Variants in TMEM216 observed in about 807,000 individuals in gnomAD.
The protein encoded by TMEM216 is cerebello-oculo-renal syndrome 2.
A neutral mutation model predicts 17.8 loss-of-function variants in TMEM216; 15 were observed. That is an observed-to-expected ratio of 0.84 (90% confidence interval 0.56 to 1.30). The LOEUF is 1.30. TMEM216 is among the 50% of genes most tolerant of loss of function. The pLI, the probability that TMEM216 is intolerant of heterozygous loss-of-function variation, is 0.00. For missense variants in TMEM216, 160 were observed against 175.7 expected (o/e 0.91, Z 0.51); for synonymous variants, 58 against 73.5 (o/e 0.79, Z 1.08).
chr11:61,393,139 C>T, intron 1 of TMEM216, 92 bp from the exon 2 acceptor site: 1 of 970,554 alleles, frequency 1.0e-6, no homozygotes, highest in Non-Finnish European at 1.5e-6. Flanking sequence ...TTAGTTGCAG[C>T]GTCTAGTTTC....
intron 3 of TMEM216, among the ~76,000 whole-genome samples, chr11:61,396,929 A>T (rs552063608): frequency 6.8e-6 from 1 of 146,932 alleles, no homozygotes; most frequent in South Asian, 2.1e-4. Context: ...ATTAAACACT[A>T]TCAAAAAAAA....
intron 2 of TMEM216, 77 bp from the exon 3 acceptor site, chr11:61,393,807 C>CT: frequency 1.7e-6 from 2 of 1,164,396 alleles, no homozygotes; most frequent in Non-Finnish European, 2.5e-6. Context: ...CTGATGTCCT[C>CT]TTTTTTCCCA....
At chr11:61,396,152 C>G (rs1208706157) in intron 3 of TMEM216, among the ~76,000 whole-genome samples, 1 of 152,184 alleles carries the variant, frequency 6.6e-6, no homozygotes, top group African/African-American at 2.4e-5. Context: ...AAATCAGTTA[C>G]GGCACTGATT....
At position 61,398,267 on chromosome 11, in the gene TMEM216, C is replaced by T. The variant is rs1183287533; in HGVS notation, c.432-3C>T. On this transcript the variant is annotated splice_polypyrimidine_tract_variant and splice_region_variant and intron_variant, in intron 4 of 4. Transcript: ENST00000515837. Reference sequence around the variant, plus strand: ...TTCTTTCTTTCTGCCATCGTATGGACAGGATTTGAAGTACAGAATTTCAGC... The same window carrying T: ...TTCTTTCTTTCTGCCATCGTATGGATAGGATTTGAAGTACAGAATTTCAGC... 3.1e-6 allele frequency: 5 copies of T among 1,611,530 alleles called. No homozygotes were observed. The highest frequency in any genetic ancestry group is 4.2e-6 in the Non-Finnish European group (5 of 1,178,668).
chr11:61,394,585 T>C (rs1858757972), intron 3 of TMEM216, among the ~76,000 whole-genome samples: 1 of 151,822 alleles, frequency 6.6e-6, no homozygotes, highest in Admixed American at 6.6e-5. Flanking sequence ...GCCAGGATGG[T>C]CTCGATCTCT....
chr11:61,398,090 G>GGAA, intron 4 of TMEM216, 115 bp downstream of exon 4: 1 of 1,411,210 alleles, frequency 7.1e-7, no homozygotes, highest in East Asian at 2.3e-5. Context: ...TCTAGAGGGA[G>GGAA]GAAGGGGTGG....
At chr11:61,397,377 C>T (rs148447925) in intron 3 of TMEM216, among the ~76,000 whole-genome samples, 3,705 of 152,140 alleles carry the variant, frequency 0.024, 82 homozygotes, top group South Asian at 0.074. Flanking sequence ...CCGTGTTAGC[C>T]AGGATGGTCT....
At chr11:61,396,861 G>T (rs1374677742) in intron 3 of TMEM216, among the ~76,000 whole-genome samples, 1 of 151,604 alleles carries the variant, frequency 6.6e-6, no homozygotes, top group East Asian at 1.9e-4. Context: ...TTCAGCCCAG[G>T]GGTTCGAGGC....
Position 61,393,319 on chromosome 11 carries a change from A to T in TMEM216, c.123A>T (p.Ile41=), listed in dbSNP as rs900061092. The change falls in exon 2 of 5, where the codon ATA becomes ATT. Residue 41 remains isoleucine (I), a synonymous_variant. Transcript: ENST00000515837. ...NATYFLLELF[I]FLYKGVLLPY... Reference sequence around the variant, plus strand: ...CCTATTTCCTGCTGGAACTTTTCATATTTCTGTATAAAGGTAAGGAAGGCT... The same window carrying T: ...CCTATTTCCTGCTGGAACTTTTCATTTTTCTGTATAAAGGTAAGGAAGGCT... 29 of 1,534,630 alleles carry T rather than the reference A, an allele frequency of 1.9e-5. No homozygotes were observed. The Admixed American group carries it at 2.7e-4, about 15-fold the overall frequency.
At position 61,393,780 on chromosome 11, in the gene TMEM216, T is replaced by G. The variant is rs1192705438; in HGVS notation, c.137-104T>G. The G allele has an allele frequency of 1.0e-5, 8 of 795,796 alleles. No individual in the cohort carries two copies. The African/African-American group carries it at 1.2e-4, about 12-fold the overall frequency. 49.3% of individuals were successfully genotyped at this position (795,796 alleles called of 1,614,324 possible). ...ATAATGCCCACATCTCACTAACTAG[T>G]TCATGGAAAGCTGAGACTGATGTCC... On this transcript the variant is annotated intron_variant, in intron 2 of 4. Coordinates refer to ENST00000515837, the MANE Select transcript of TMEM216 (RefSeq NM_001173990.3).
chr11:61,398,224 C>T lies in TMEM216; in HGVS notation c.432-46C>T, dbSNP rs1590645804. On this transcript the variant is annotated intron_variant, in intron 4 of 4. Transcript: ENST00000515837. ...ACAGTCGAGGCCAGCTGCTCTCATT[C>T]ACTGGTCTTTTAACATTTTCTTTCT... The T allele has an allele frequency of 2.5e-6, 4 of 1,600,724 alleles. No individual in the cohort carries two copies. The East Asian group carries it at 9.0e-5, about 36-fold the overall frequency.
At chr11:61,393,590 C>T (rs185698365) in intron 2 of TMEM216, among the ~76,000 whole-genome samples, 3 of 152,326 alleles carry the variant, frequency 2.0e-5, no homozygotes, top group Non-Finnish European at 4.4e-5. Flanking sequence ...CTGAGCTCCA[C>T]TGTAAGCCCA....
intron 3 of TMEM216, among the ~76,000 whole-genome samples, chr11:61,395,564 C>T (rs961740554): frequency 6.6e-6 from 1 of 151,702 alleles, no homozygotes; most frequent in African/African-American, 2.4e-5. Context: ...ACATGGTGGC[C>T]GTCTCTACTA....
At chr11:61,392,703 CCCTTCG>C in intron 1 of TMEM216, 38 bp downstream of exon 1, 1 of 1,533,360 alleles carries the variant, frequency 6.5e-7, no homozygotes, top group Non-Finnish European at 8.7e-7. Flanking sequence ...TGGTCCCTTT[CCCTTCG>C]GTCGCTCCCT....
intron 3 of TMEM216, 127 bp downstream of exon 3, chr11:61,394,103 G>A (rs1024367301): frequency 3.5e-5 from 29 of 818,520 alleles, no homozygotes; most frequent in African/African-American, 2.9e-4. Flanking sequence ...CTATTACTCC[G>A]TCTCTGAAGT....
At chr11:61,398,072 GACTT>G in intron 4 of TMEM216, 97 bp downstream of exon 4, 1 of 1,492,822 alleles carries the variant, frequency 6.7e-7, no homozygotes, top group Non-Finnish European at 9.3e-7. Context: ...GGGTCTAGAA[GACTT>G]TTTTCTAGAG....
At chr11:61,394,014 G>A in intron 3 of TMEM216, 38 bp downstream of exon 3, 1 of 1,571,990 alleles carries the variant, frequency 6.4e-7, no homozygotes, top group Non-Finnish European at 8.8e-7. Context: ...CTCCTTATGA[G>A]ACAAGCTGGT....
At chr11:61,395,305 T>C (rs1196139566) in intron 3 of TMEM216, among the ~76,000 whole-genome samples, 2 of 151,922 alleles carry the variant, frequency 1.3e-5, no homozygotes, top group Non-Finnish European at 2.9e-5. Flanking sequence ...ACCCCAGAAA[T>C]ACAGAGCAAA....
intron 3 of TMEM216, among the ~76,000 whole-genome samples, chr11:61,396,037 T>A (rs754448532): frequency 3.9e-5 from 6 of 152,096 alleles, no homozygotes; most frequent in Non-Finnish European, 5.9e-5. Flanking sequence ...TAAAAAAAAA[T>A]TCCACAGATA....
Sources: gnomAD v4.1 joint callset for allele counts (sites outside exome capture counted in the v4.1 genomes callset) on GRCh38, gnomAD v4.1.1 for gene constraint, MANE v1.5 for transcripts, NCBI Gene and HGNC (gene_info 2026-07-23, HGNC 2026-07-21) for gene names.